The following PARD3 variants were observed in gnomAD, a reference collection of about 807,000 sequenced individuals.
PARD3 encodes the protein partitioning defective 3 homolog.
A neutral mutation model predicts 155.4 loss-of-function variants in PARD3; 75 were observed. The ratio of observed to expected loss-of-function variants is 0.48; its 90% CI spans 0.40 to 0.58. PARD3 has a LOEUF of 0.58. Among genes scored for constraint, PARD3 ranks in the 20% least tolerant of loss-of-function variants. PARD3 has a pLI of 0.00. For missense variants in PARD3, 1,642 were observed against 1,721.7 expected (o/e 0.95, Z 0.82); for synonymous variants, 576 against 610.5 (o/e 0.94, Z 0.83).
intron 1 of PARD3, among the ~76,000 whole-genome samples, chr10:34,760,768 C>T (rs947160785): frequency 2.0e-5 from 3 of 152,132 alleles, no homozygotes; most frequent in African/African-American, 7.2e-5. Context: ...GGAGTTGACA[C>T]CTCCTGTCAA....
chr10:34,265,053 C>G (rs981539244), intron 22 of PARD3, among the ~76,000 whole-genome samples: 1 of 152,178 alleles, frequency 6.6e-6, no homozygotes, highest in Admixed American at 6.5e-5. Context: ...GCCCGGCCTA[C>G]GCCAACATTT....
At chr10:34,523,154 G>A (rs1481486141) in intron 2 of PARD3, among the ~76,000 whole-genome samples, 1 of 152,146 alleles carries the variant, frequency 6.6e-6, no homozygotes, top group Non-Finnish European at 1.5e-5. Flanking sequence ...TAAACAGAGG[G>A]CTTAAAAGGA....
intron 2 of PARD3, among the ~76,000 whole-genome samples, chr10:34,641,081 A>G (rs1161853241): frequency 6.6e-6 from 1 of 152,200 alleles, no homozygotes; most frequent in African/African-American, 2.4e-5. Context: ...TATACACACA[A>G]AAGTATTTGT....
chr10:34,222,840 T>C lies in PARD3; in HGVS notation c.3419+46817A>G, dbSNP rs34869571. On this transcript the variant is annotated intron_variant, in intron 22 of 24. Coordinates refer to ENST00000374788, the MANE Select transcript of PARD3 (RefSeq NM_001184785.2). Reference sequence around the variant, plus strand: ...AAGGAAACCAAAAACAAAACCGCTCTCTTAAGCATTTGCTAGCTTTGACCA... The same window carrying C: ...AAGGAAACCAAAAACAAAACCGCTCCCTTAAGCATTTGCTAGCTTTGACCA... 3.0e-3 allele frequency among the ~76,000 whole-genome samples: 460 copies of C among 152,312 alleles called. 3 individuals carry two copies. The highest frequency in any genetic ancestry group is 4.8e-3 in the Non-Finnish European group (324 of 68,028).
intron 11 of PARD3, among the ~76,000 whole-genome samples, chr10:34,373,818 C>T (rs917240671): frequency 6.6e-6 from 1 of 151,594 alleles, no homozygotes; most frequent in South Asian, 2.1e-4. Context: ...GATATTATGA[C>T]TAAAATTTTT....
At chr10:34,548,344 CA>C (rs900361678) in intron 2 of PARD3, among the ~76,000 whole-genome samples, 74 of 151,322 alleles carry the variant, frequency 4.9e-4, no homozygotes, top group South Asian at 1.5e-3. Context: ...CACACACACA[CA>C]AAAAAAAGCC....
At chr10:34,606,626 C>T (rs768536386) in intron 2 of PARD3, among the ~76,000 whole-genome samples, 1 of 125,640 alleles carries the variant, frequency 8.0e-6, no homozygotes, top group African/African-American at 3.2e-5. Flanking sequence ...CATAGTGAGA[C>T]CCCCGTGTCT....
intron 2 of PARD3, among the ~76,000 whole-genome samples, chr10:34,678,175 G>A (rs560281281): frequency 1.3e-5 from 2 of 152,088 alleles, no homozygotes; most frequent in Non-Finnish European, 2.9e-5. Flanking sequence ...CCCAGGCTCA[G>A]GTGATTCTCC....
intron 2 of PARD3, among the ~76,000 whole-genome samples, chr10:34,551,637 C>G (rs939336401): frequency 1.3e-5 from 2 of 152,236 alleles, no homozygotes; most frequent in East Asian, 3.9e-4. Context: ...GGGGCAATAA[C>G]GGGGTGTCGG....
At chr10:34,700,963 A>C (rs2094264297) in intron 1 of PARD3, among the ~76,000 whole-genome samples, 1 of 152,212 alleles carries the variant, frequency 6.6e-6, no homozygotes, top group Non-Finnish European at 1.5e-5. Context: ...CAACAGAGTG[A>C]GACTCCATCT....
intron 16 of PARD3, among the ~76,000 whole-genome samples, chr10:34,339,421 G>T (rs1399053747): frequency 6.6e-6 from 1 of 151,910 alleles, no homozygotes; most frequent in African/African-American, 2.4e-5. Flanking sequence ...CTTGTAAACA[G>T]AATGCATTTG....
At chr10:34,304,025 A>G (rs1957281199) in intron 20 of PARD3, among the ~76,000 whole-genome samples, 1 of 152,166 alleles carries the variant, frequency 6.6e-6, no homozygotes, top group African/African-American at 2.4e-5. Context: ...CGCAGCACAG[A>G]GCCACCTAGA....
chr10:34,813,994 A>G (rs561905904), intron 1 of PARD3, among the ~76,000 whole-genome samples: 2 of 152,380 alleles, frequency 1.3e-5, no homozygotes, highest in Admixed American at 1.3e-4. Context: ...AATGCTGTGA[A>G]GTGGAGACAA....
intron 1 of PARD3, among the ~76,000 whole-genome samples, chr10:34,729,731 T>C (rs181658665): frequency 2.0e-4 from 30 of 152,136 alleles, no homozygotes; most frequent in Non-Finnish European, 3.2e-4. Flanking sequence ...ACTAAGGAAA[T>C]TACACACACA....
intron 12 of PARD3, among the ~76,000 whole-genome samples, chr10:34,361,530 T>C (rs916157307): frequency 1.3e-5 from 2 of 152,168 alleles, no homozygotes; most frequent in Admixed American, 1.3e-4. Context: ...ACCCAAGGAA[T>C]TTGGAATTCA....
chr10:34,706,525 TTGAGTTC>T (rs757346796), intron 1 of PARD3, among the ~76,000 whole-genome samples: 6 of 152,164 alleles, frequency 3.9e-5, no homozygotes, highest in South Asian at 2.1e-4. Context: ...GGCAGATTGC[TTGAGTTC>T]AGAGGGCCTA....
At chr10:34,719,455 T>C (rs1371319340) in intron 1 of PARD3, among the ~76,000 whole-genome samples, 1 of 152,196 alleles carries the variant, frequency 6.6e-6, no homozygotes, top group Admixed American at 6.5e-5. Context: ...ACTTAATACA[T>C]TCCTGAGTGC....
chr10:34,282,072 AT>A (rs1956184403), intron 21 of PARD3, among the ~76,000 whole-genome samples: 1 of 147,280 alleles, frequency 6.8e-6, no homozygotes, highest in Non-Finnish European at 1.5e-5. Context: ...AAAGAACGAC[AT>A]ATGGAAGAAT....
intron 1 of PARD3, among the ~76,000 whole-genome samples, chr10:34,741,624 C>G (rs937061553): frequency 2.0e-5 from 3 of 152,148 alleles, no homozygotes; most frequent in African/African-American, 7.2e-5. Flanking sequence ...ACAAATGGAC[C>G]ACAGAACAAA....
Sources: allele counts gnomAD v4.1 joint callset (sites outside exome capture counted in the v4.1 genomes callset), GRCh38; gene constraint gnomAD v4.1.1; transcripts MANE v1.5; gene names NCBI Gene and HGNC (gene_info 2026-07-23, HGNC 2026-07-21).